The following AMZ1 variants were observed in gnomAD, a reference collection of about 807,000 sequenced individuals.
AMZ1 encodes the protein archaelysin family metallopeptidase 1.
Under a neutral mutation model 29.9 loss-of-function variants are expected in AMZ1, and 39 were observed. The observed-to-expected ratio is 1.30, with a 90% CI of 1.01 to 1.70. The LOEUF (loss-of-function observed/expected upper bound fraction) is 1.70. Among genes scored for constraint, AMZ1 ranks in the 40% most tolerant of loss-of-function variants. The pLI is 0.00. For synonymous variants in AMZ1, 458 were observed against 304.0 expected (o/e 1.51, Z -5.27); for missense variants, 1,041 against 680.6 (o/e 1.53, Z -5.89).
intron 3 of AMZ1, among the ~76,000 whole-genome samples, chr7:2,705,628 C>G (rs946676697): frequency 1.7e-4 from 26 of 152,330 alleles, no homozygotes; most frequent in African/African-American, 5.5e-4. Context: ...TCTAAATTCC[C>G]TAGGGTACTG....
chr7:2,729,156 C>T (rs1424708144), intron 4 of AMZ1: 1 of 152,422 alleles, frequency 6.6e-6, no homozygotes. Flanking sequence ...AGAGGCTCTC[C>T]CCGTTGGCGG....
At chr7:2,748,736 G>C (rs997947079) in intron 4 of AMZ1, among the ~76,000 whole-genome samples, 5 of 152,068 alleles carry the variant, frequency 3.3e-5, no homozygotes, top group African/African-American at 1.2e-4. Flanking sequence ...CTACAGAATG[G>C]GAGAAAATTT....
At chr7:2,743,079 A>T (rs1195036346) in intron 4 of AMZ1, among the ~76,000 whole-genome samples, 1 of 152,218 alleles carries the variant, frequency 6.6e-6, no homozygotes, top group Non-Finnish European at 1.5e-5. Flanking sequence ...CAGGACTGCC[A>T]AGGGGTAAGG....
chr7:2,681,023 C>T (rs1023605125), intron 1 of AMZ1, among the ~76,000 whole-genome samples: 5 of 152,266 alleles, frequency 3.3e-5, no homozygotes, highest in Non-Finnish European at 7.3e-5. Flanking sequence ...CCTTCCAGGA[C>T]GCTGAGCACC....
intron 4 of AMZ1, chr7:2,728,555 G>C (rs964043434): frequency 6.6e-6 from 1 of 152,482 alleles, no homozygotes; most frequent in Non-Finnish European, 1.5e-5. Flanking sequence ...ATGAGGAACA[G>C]ATCTTATTTT....
At chr7:2,733,373 C>T (rs1789997046) in intron 4 of AMZ1, 6 of 1,209,776 alleles carry the variant, frequency 5.0e-6, no homozygotes, top group Non-Finnish European at 7.2e-6. Context: ...AAAGTCCTCA[C>T]AACGTGGACT....
At chr7:2,746,557 G>A (rs1166826804) in intron 4 of AMZ1, among the ~76,000 whole-genome samples, 2 of 152,048 alleles carry the variant, frequency 1.3e-5, no homozygotes, top group African/African-American at 4.8e-5. Context: ...ATGCCCACAA[G>A]AGAAAGCAGG....
Position 2,715,618 on chromosome 7 carries a change from G to A in AMZ1, c.*2740G>A, listed in dbSNP as rs1283016280. 2 of 152,228 alleles carry A rather than the reference G, an allele frequency of 1.3e-5. No individual in the cohort carries two copies. The highest frequency in any genetic ancestry group is 2.9e-5 in the Non-Finnish European group (2 of 68,040). 9.4% of individuals were successfully genotyped at this position (152,228 alleles called of 1,614,324 possible). On this transcript the variant is annotated 3_prime_UTR_variant, in exon 7 of 7. Coordinates refer to ENST00000683327, the MANE Select transcript of AMZ1 (RefSeq NM_001384743.1). ...TATCCGCAGCGTTTACCAACTTGCA[G>A]ATGTCAGTGAAATTTTTTAAGACAG...
At chr7:2,703,157 AT>A (rs1788159450) in intron 3 of AMZ1, among the ~76,000 whole-genome samples, 2 of 151,656 alleles carry the variant, frequency 1.3e-5, no homozygotes, top group African/African-American at 4.8e-5. Context: ...TTTTTTTGTT[AT>A]TTTTTTGAGA....
intron 1 of AMZ1, among the ~76,000 whole-genome samples, chr7:2,690,219 G>GAC (rs1787304186): frequency 1.3e-5 from 2 of 152,060 alleles, no homozygotes; most frequent in Admixed American, 1.3e-4. Flanking sequence ...GAGAGAGAGA[G>GAC]AGAGACAGAC....
intron 6 of AMZ1, among the ~76,000 whole-genome samples, chr7:2,712,078 T>C (rs1293732728): frequency 6.6e-6 from 1 of 152,112 alleles, no homozygotes; most frequent in African/African-American, 2.4e-5. Context: ...GTGTTCTAAC[T>C]TTGGATGACA....
rs1399373445 is a variant in AMZ1, at chr7:2,702,809, G to C, written c.392G>C (p.Cys131Ser). 2.6e-6 allele frequency: 4 copies of C among 1,551,472 alleles called. No homozygotes were observed. The highest frequency in any genetic ancestry group is 3.5e-6 in the Non-Finnish European group (4 of 1,152,000). Residue 131 changes from cysteine to serine, a missense_variant, in exon 3 of 7, where the codon TGC becomes TCC. Coordinates refer to ENST00000683327, the MANE Select transcript of AMZ1 (RefSeq NM_001384743.1). Reference protein sequence around the residue: ...EAFFLGLRVKCLPSVAAASIR... With the variant: ...EAFFLGLRVKSLPSVAAASIR... ...TTCTTCCTGGGCCTGCGCGTCAAGT[G>C]CCTGCCGTCGGTGGCAGCCGCGTCC...
chr7:2,733,435 G>T (rs753455707), intron 4 of AMZ1: 1 of 1,611,538 alleles, frequency 6.2e-7, no homozygotes, highest in Non-Finnish European at 8.5e-7. Flanking sequence ...TTCTTCGGGC[G>T]GGCGTGCTTA....
chr7:2,708,821 T>G, intron 4 of AMZ1, 105 bp downstream of exon 4: 1 of 1,544,498 alleles, frequency 6.5e-7, no homozygotes, highest in Non-Finnish European at 8.8e-7. Flanking sequence ...AGCACCCTCC[T>G]GGTGGAAGTC....
At chr7:2,681,679 A>T (rs754601771) in intron 1 of AMZ1, among the ~76,000 whole-genome samples, 1 of 152,036 alleles carries the variant, frequency 6.6e-6, no homozygotes, top group Non-Finnish European at 1.5e-5. Flanking sequence ...ATGTCATTGG[A>T]GATTCGTCCC....
In AMZ1 at chr7:2,712,956, C is replaced by A; in HGVS notation, c.*78C>A. On this transcript the variant is annotated 3_prime_UTR_variant, in exon 7 of 7. Transcript: ENST00000683327. ...TCCAGTAGCTGAGGCCACTACTGACCTGCCAGGGATAAAGAGGAAGGGTCT... is the reference window on the plus strand; with the variant it reads ...TCCAGTAGCTGAGGCCACTACTGACATGCCAGGGATAAAGAGGAAGGGTCT... 8 of 1,401,446 alleles carry A rather than the reference C, an allele frequency of 5.7e-6. No homozygotes were observed. The highest frequency in any genetic ancestry group is 6.6e-6 in the Non-Finnish European group (7 of 1,067,998). 86.8% of individuals were successfully genotyped at this position (1,401,446 alleles called of 1,614,324 possible). A position where few individuals can be genotyped will look rare whatever the true frequency, so the allele number is the denominator to read the frequency against.
chr7:2,692,341 C>T (rs977384515), intron 1 of AMZ1, among the ~76,000 whole-genome samples: 8 of 152,046 alleles, frequency 5.3e-5, no homozygotes, highest in Non-Finnish European at 1.2e-4. Flanking sequence ...GAGATCGAGA[C>T]CATCCTGGCT....
intron 4 of AMZ1, among the ~76,000 whole-genome samples, chr7:2,739,377 C>G (rs866607652): frequency 6.6e-6 from 1 of 152,216 alleles, no homozygotes; most frequent in African/African-American, 2.4e-5. Context: ...CGCATTCACA[C>G]AGCATGCAGC....
At chr7:2,701,557 C>T (rs775402109) in intron 2 of AMZ1, among the ~76,000 whole-genome samples, 4 of 152,174 alleles carry the variant, frequency 2.6e-5, no homozygotes, top group Admixed American at 6.5e-5. Flanking sequence ...CAGAAGGGAA[C>T]GGCCCAGGCA....
Sources: gnomAD v4.1 joint callset for allele counts (sites outside exome capture counted in the v4.1 genomes callset) on GRCh38, gnomAD v4.1.1 for gene constraint, MANE v1.5 for transcripts, NCBI Gene and HGNC (gene_info 2026-07-23, HGNC 2026-07-21) for gene names.